Variants in MACF1 observed in about 807,000 individuals in gnomAD.
The protein encoded by MACF1 is microtubule actin crosslinking factor 1.
MACF1 carries 193 observed loss-of-function variants against 854.8 expected under a neutral mutation model. That is an observed-to-expected ratio of 0.23 (90% CI 0.20 to 0.25). The LOEUF (loss-of-function observed/expected upper bound fraction) is 0.25, where lower values mean the gene tolerates loss of function less well. MACF1 is among the 10% of genes least tolerant of loss of function. MACF1 has a pLI of 1.00. For missense variants in MACF1, 7,722 were observed against 8,929.1 expected (o/e 0.86, Z 5.45); for synonymous variants, 3,185 against 3,226.7 (o/e 0.99, Z 0.44).
chr1:39,184,103 T>A (rs1169870690), intron 2 of MACF1, among the ~76,000 whole-genome samples: 1 of 152,186 alleles, frequency 6.6e-6, no homozygotes, highest in Non-Finnish European at 1.5e-5. Flanking sequence ...CATCACCTGT[T>A]TTTTAGTTCC....
intron 52 of MACF1, chr1:39,372,954 C>G (rs768313767): frequency 4.4e-6 from 1 of 227,936 alleles, no homozygotes; most frequent in Admixed American, 6.1e-5. Context: ...TGGCCAGCCA[C>G]GAAGTCAGAA....
intron 2 of MACF1, among the ~76,000 whole-genome samples, chr1:39,248,497 A>AC: frequency 6.6e-6 from 1 of 152,062 alleles, no homozygotes; most frequent in East Asian, 1.9e-4. Context: ...GAGCCATTGC[A>AC]CCTGGCCTCC....
chr1:39,356,072 G>A (rs1236349423), intron 44 of MACF1, among the ~76,000 whole-genome samples: 12 of 152,124 alleles, frequency 7.9e-5, no homozygotes, highest in Admixed American at 5.9e-4. Context: ...GGCATAAACA[G>A]TATAGGTAGT....
At chr1:39,469,249 C>T (rs2124129944) in intron 96 of MACF1, among the ~76,000 whole-genome samples, 1 of 152,310 alleles carries the variant, frequency 6.6e-6, no homozygotes, top group South Asian at 2.1e-4. Context: ...GGGTGTCTTT[C>T]TGCTAAATGT....
Position 39,385,352 on chromosome 1 carries a change from G to A in MACF1, c.13849-82G>A, listed in dbSNP as rs1249218725. 6.2e-6 allele frequency: 9 copies of A among 1,461,502 alleles called. No homozygotes were observed. In the East Asian group the frequency reaches 1.6e-4, roughly 27 times the overall value. The allele number at this position is 1,461,502 out of a possible 1,614,324, so 90.5% of individuals were successfully genotyped here. A position where few individuals can be genotyped will look rare whatever the true frequency, so the allele number is the denominator to read the frequency against. ...CAAAGTGCTGCGATTACAGGCATGA[G>A]CCACTGTGCCTGGCCTGACACTGCT... is the stretch of plus-strand genomic sequence containing the variant. On this transcript the variant is annotated intron_variant, in intron 56 of 100. Transcript: ENST00000564288.
chr1:39,413,863 G>T (rs890345196), intron 58 of MACF1: 12 of 1,610,234 alleles, frequency 7.5e-6, no homozygotes, highest in African/African-American at 1.3e-5. Context: ...TTCCCCGGCA[G>T]CTTCAGTGCC....
chr1:39,429,457 C>A (rs1202189406), intron 64 of MACF1, 131 bp downstream of exon 64: 3 of 617,176 alleles, frequency 4.9e-6, no homozygotes, highest in Non-Finnish European at 8.7e-6. Context: ...TGATTGTATT[C>A]CCTACTGTGC....
chr1:39,144,993 C>T (rs1411859460), intron 2 of MACF1, among the ~76,000 whole-genome samples: 2 of 152,170 alleles, frequency 1.3e-5, no homozygotes, highest in Non-Finnish European at 2.9e-5. Context: ...CCTGACCTAT[C>T]ATGTACAATA....
chr1:39,211,412 A>G (rs1644514473), intron 1 of MACF1, among the ~76,000 whole-genome samples: 1 of 151,986 alleles, frequency 6.6e-6, no homozygotes, highest in Non-Finnish European at 1.5e-5. Context: ...AATTGTCCTT[A>G]TTTTTTAATT....
intron 5 of MACF1, among the ~76,000 whole-genome samples, chr1:39,255,943 G>T (rs1348591805): frequency 6.6e-6 from 1 of 152,112 alleles, no homozygotes; most frequent in East Asian, 1.9e-4. Flanking sequence ...AACGTGGACA[G>T]GTAAGAACAG....
intron 2 of MACF1, among the ~76,000 whole-genome samples, chr1:39,173,740 G>T (rs1320982149): frequency 3.3e-5 from 5 of 152,130 alleles, no homozygotes. Context: ...CAGTAGGCTG[G>T]CTTTACTGAG....
intron 58 of MACF1, among the ~76,000 whole-genome samples, chr1:39,400,300 C>T (rs1642425500): frequency 6.6e-6 from 1 of 152,146 alleles, no homozygotes; most frequent in South Asian, 2.1e-4. Context: ...CTGAATCTTA[C>T]TTACTTTAAC....
chr1:39,170,411 G>A (rs1643932818), intron 2 of MACF1, among the ~76,000 whole-genome samples: 1 of 152,146 alleles, frequency 6.6e-6, no homozygotes, highest in Non-Finnish European at 1.5e-5. Flanking sequence ...ATGTGTATGA[G>A]CACCTACCAT....
At chr1:39,153,162 A>G (rs1005321403) in intron 2 of MACF1, among the ~76,000 whole-genome samples, 1 of 152,132 alleles carries the variant, frequency 6.6e-6, no homozygotes, top group Non-Finnish European at 1.5e-5. Context: ...CTACCCTTCC[A>G]TCTCTCTGCT....
chr1:39,484,454 A>G, intron 99 of MACF1, 147 bp from the exon 100 acceptor site: 1 of 672,150 alleles, frequency 1.5e-6, no homozygotes. Flanking sequence ...GACCTAGGAT[A>G]CTTTAAGAGA....
At chr1:39,204,043 G>A (rs1644422701), upstream of MACF1, among the ~76,000 whole-genome samples, 1 of 152,162 alleles carries the variant, frequency 6.6e-6, no homozygotes. Context: ...GGAGGCAGAG[G>A]CGGGAGGATT....
chr1:39,245,849 T>A (rs941340377), intron 2 of MACF1, among the ~76,000 whole-genome samples: 4 of 152,226 alleles, frequency 2.6e-5, no homozygotes, highest in Non-Finnish European at 4.4e-5. Context: ...CTTAGTTCTC[T>A]TCTTAATCCT....
At chr1:39,437,172 A>G (rs1250418572) in intron 70 of MACF1, among the ~76,000 whole-genome samples, 2 of 150,654 alleles carry the variant, frequency 1.3e-5, no homozygotes, top group South Asian at 4.2e-4. Flanking sequence ...TAGGAGAAAT[A>G]TTGTGGCAGC....
rs1647810340 is a variant in MACF1 at position 39,358,683 on chromosome 1, T to G, written c.11944-14T>G. 6.2e-7 allele frequency: 1 copy of G among 1,611,740 alleles called. No homozygotes were observed. On this transcript the variant is annotated splice_polypyrimidine_tract_variant and intron_variant, in intron 45 of 100. Transcript: ENST00000564288. ...CCTTGCTTAAGTCTGCTTACCTTTCTTTCTCTGGCACAGTGTACACGATTA... is the reference window on the plus strand; with the variant it reads ...CCTTGCTTAAGTCTGCTTACCTTTCGTTCTCTGGCACAGTGTACACGATTA...
Sources: gnomAD v4.1 joint callset for allele counts (sites outside exome capture counted in the v4.1 genomes callset) on GRCh38, gnomAD v4.1.1 for gene constraint, MANE v1.5 for transcripts, NCBI Gene and HGNC (gene_info 2026-07-23, HGNC 2026-07-21) for gene names.